GLT8D2: variants seen among roughly 807,000 people sequenced by gnomAD.
GLT8D2 encodes the protein glycosyltransferase 8 domain containing 2, also known as glycosyltransferase 8 domain-containing protein 2.
GLT8D2 carries 45 observed loss-of-function variants against 44.5 expected under a neutral mutation model. That is an observed-to-expected ratio of 1.01 (90% confidence interval 0.80 to 1.30). The LOEUF (loss-of-function observed/expected upper bound fraction) is 1.30, where lower values mean the gene tolerates loss of function less well. GLT8D2 is among the 50% of genes most tolerant of loss of function. The pLI, the probability that GLT8D2 is intolerant of heterozygous loss-of-function variation, is 0.00. For missense variants in GLT8D2, 400 were observed against 430.4 expected, an observed-to-expected ratio of 0.93 and a Z score of 0.62; for synonymous variants, 156 against 157.2, an observed-to-expected ratio of 0.99 and a Z score of 0.06.
In GLT8D2 at chr12:104,022,057, GGAAA is replaced by G. The variant is rs199560501; in HGVS notation, c.-163-570_-163-567del. ...GAAGAAGAAGAAGAAGAAGAAGAAG[GGAAA>G]GAAAGAAAGAAAGAAAAAAAAAGAA... On this transcript the variant is annotated intron_variant, in intron 1 of 10. Coordinates refer to ENST00000360814, the MANE Select transcript of GLT8D2 (RefSeq NM_001384711.1). 8.1e-4 allele frequency among the ~76,000 whole-genome samples: 73 copies of G among 90,658 alleles called. 4 individuals carry two copies. Among genetic ancestry groups the G allele is most frequent in the African/African-American group, 3.3e-3 (59 of 17,730 alleles). The allele number at this position is 90,658 out of a possible 152,430, so 59.5% of individuals were successfully genotyped here. A position where few individuals can be genotyped will look rare whatever the true frequency, so the allele number is the denominator to read the frequency against.
intron 1 of GLT8D2, among the ~76,000 whole-genome samples, chr12:104,047,243 C>T (rs973661885): frequency 1.3e-5 from 2 of 151,080 alleles, no homozygotes; most frequent in Non-Finnish European, 2.9e-5. Flanking sequence ...CTTTCTGGCT[C>T]ATAGATAGCA....
intron 1 of GLT8D2, chr12:104,031,492 G>A (rs887281585): frequency 8.6e-5 from 139 of 1,613,112 alleles, no homozygotes; most frequent in East Asian, 2.2e-5. Flanking sequence ...ATGAGGAGAC[G>A]GTGCGCAAAG....
intron 5 of GLT8D2, among the ~76,000 whole-genome samples, chr12:104,001,647 T>A (rs1874231046): frequency 6.6e-6 from 1 of 152,182 alleles, no homozygotes; most frequent in African/African-American, 2.4e-5. Context: ...CAAAAATGTT[T>A]CAATTCACAT....
chr12:104,050,711 C>A (rs954285638), upstream of GLT8D2, among the ~76,000 whole-genome samples: 10 of 152,158 alleles, frequency 6.6e-5, no homozygotes, highest in Admixed American at 2.6e-4. Flanking sequence ...TCTGCAATGG[C>A]TCCTCTTCCT....
chr12:104,016,806 GGAA>G (rs1876828937), intron 3 of GLT8D2, among the ~76,000 whole-genome samples: 2 of 86,196 alleles, frequency 2.3e-5, no homozygotes, highest in East Asian at 3.6e-4. Context: ...AAGGAAGGAA[GGAA>G]AGAAAGAAAG....
chr12:104,019,537 A>G, intron 3 of GLT8D2, 93 bp downstream of exon 3: 2 of 1,005,426 alleles, frequency 2.0e-6, no homozygotes, highest in Non-Finnish European at 1.5e-6. Flanking sequence ...ATCAAACACA[A>G]TCCAAGAAAG....
chr12:104,028,577 T>C (rs1878852225), intron 1 of GLT8D2, among the ~76,000 whole-genome samples: 1 of 152,102 alleles, frequency 6.6e-6, no homozygotes, highest in Non-Finnish European at 1.5e-5. Flanking sequence ...ATAAGAACCA[T>C]ATAAGAACCC....
chr12:104,063,826 T>TTAA (rs1436630042), intron 1 of GLT8D2: 1 of 152,264 alleles, frequency 6.6e-6, no homozygotes, highest in African/African-American at 2.4e-5. Context: ...ATTACATGAG[T>TTAA]TAATACACAT....
chr12:103,994,625 AGTTT>A lies in GLT8D2; in HGVS notation c.601-128_601-125del, dbSNP rs1485749748. On this transcript the variant is annotated intron_variant, in intron 8 of 10. Coordinates refer to ENST00000360814, the MANE Select transcript of GLT8D2 (RefSeq NM_001384711.1). ...CCTCCTGTGTCACTGGCCACTGGGT[AGTTT>A]GTTGTTTTTGTTTTGTTTTGCTGGT... 9.1e-5 allele frequency: 71 copies of A among 780,040 alleles called. No individual in the cohort carries two copies. In the East Asian group the frequency reaches 1.9e-3, roughly 20 times the overall value. The allele number at this position is 780,040 out of a possible 1,614,324, so 48.3% of individuals were successfully genotyped here.
chr12:104,018,985 C>T (rs1566200882), intron 3 of GLT8D2, among the ~76,000 whole-genome samples: 2 of 152,046 alleles, frequency 1.3e-5, no homozygotes, highest in Non-Finnish European at 2.9e-5. Flanking sequence ...AGACTAAGAA[C>T]GCAAAATTAC....
upstream of GLT8D2, among the ~76,000 whole-genome samples, chr12:104,052,874 T>G (rs890948338): frequency 2.6e-5 from 4 of 152,174 alleles, no homozygotes; most frequent in African/African-American, 9.7e-5. Flanking sequence ...ACTGTAGTCA[T>G]GCACCACCAT....
intron 7 of GLT8D2, among the ~76,000 whole-genome samples, chr12:103,997,052 CT>C (rs1363503914): frequency 6.6e-6 from 1 of 152,188 alleles, no homozygotes; most frequent in Non-Finnish European, 1.5e-5. Context: ...TGGCACTGAT[CT>C]AATTTCTTTA....
intron 5 of GLT8D2, among the ~76,000 whole-genome samples, chr12:104,001,843 A>T (rs896623216): frequency 6.6e-6 from 1 of 152,156 alleles, no homozygotes; most frequent in Non-Finnish European, 1.5e-5. Context: ...AGCTAGGATT[A>T]CAGGAATGTG....
chr12:104,036,113 G>A (rs1879901622), intron 1 of GLT8D2, among the ~76,000 whole-genome samples: 1 of 152,190 alleles, frequency 6.6e-6, no homozygotes, highest in African/African-American at 2.4e-5. Context: ...CAGATGCTGA[G>A]AGATTTTGTC....
At chr12:104,026,776 CA>C (rs1444282835) in intron 1 of GLT8D2, among the ~76,000 whole-genome samples, 1 of 152,090 alleles carries the variant, frequency 6.6e-6, no homozygotes, top group Non-Finnish European at 1.5e-5. Flanking sequence ...CTATCTCACA[CA>C]AAAAAAGTTA....
rs1273833660 is a variant in GLT8D2 at position 103,994,421 on chromosome 12, A to C, written c.681T>G (p.Asn227Lys). The C allele has an allele frequency of 6.2e-7, 1 of 1,613,962 alleles. No homozygotes were observed. Among genetic ancestry groups the C allele is most frequent in the Admixed American group, 1.7e-5 (1 of 59,992 alleles). ...LGISPSTCSF[N>K]PGVIVANMTE... ...TCATGTTGGCAACAATCACACCAGG[A>C]TTGAAAGAGCAGGTGCTGGGGCTGA... Residue 227 changes from asparagine to lysine, a missense_variant, in exon 9 of 11, where the codon AAT (asparagine) becomes AAG (lysine). Coordinates refer to ENST00000360814, the MANE Select transcript of GLT8D2 (RefSeq NM_001384711.1).
At chr12:104,045,886 G>GA (rs1881026403) in intron 1 of GLT8D2, among the ~76,000 whole-genome samples, 2 of 117,962 alleles carry the variant, frequency 1.7e-5, no homozygotes, top group East Asian at 4.7e-4. Context: ...GAAAAGAAAA[G>GA]AAAGATAAGA....
chr12:104,022,074 G>GA (rs72438249), intron 1 of GLT8D2, among the ~76,000 whole-genome samples: 2,640 of 88,446 alleles, frequency 0.03, 275 homozygotes, highest in African/African-American at 0.068. Flanking sequence ...AAGAAAGAAA[G>GA]AAAAAAAAAG....
At chr12:104,022,809 A>G (rs1422977132) in intron 1 of GLT8D2, among the ~76,000 whole-genome samples, 1 of 152,032 alleles carries the variant, frequency 6.6e-6, no homozygotes, top group Non-Finnish European at 1.5e-5. Context: ...CACACGATGC[A>G]TTATATTTTG....
Sources: allele counts gnomAD v4.1 joint callset (sites outside exome capture counted in the v4.1 genomes callset), GRCh38; gene constraint gnomAD v4.1.1; transcripts MANE v1.5; gene names NCBI Gene and HGNC (gene_info 2026-07-23, HGNC 2026-07-21).